TENM4: variants seen among roughly 807,000 people sequenced by gnomAD.
The protein encoded by TENM4 is teneurin-4.
In TENM4, 82 loss-of-function variants were observed where a neutral mutation model predicts 243.3. The ratio of observed to expected loss-of-function variants is 0.34; its 90% CI spans 0.28 to 0.40. The LOEUF (loss-of-function observed/expected upper bound fraction) is 0.40. TENM4 is among the 10% of genes least tolerant of loss of function. The probability of loss-of-function intolerance (pLI) is 1.00; values close to 1 mark genes in which losing one functional copy is unlikely to be tolerated. For missense variants in TENM4, 3,138 were observed against 3,673.3 expected (o/e 0.85, Z 3.77); for synonymous variants, 1,412 against 1,456.3 (o/e 0.97, Z 0.69).
chr11:79,348,405 G>T (rs549639348), intron 1 of TENM4, among the ~76,000 whole-genome samples: 74 of 152,272 alleles, frequency 4.9e-4, no homozygotes, highest in African/African-American at 1.8e-3. Context: ...GATCATACAA[G>T]ATGCCTCAGA....
At position 78,979,534 on chromosome 11, in the gene TENM4, GCATGCACATATGTGTTGTA is replaced by G. The variant is rs951141467; in HGVS notation, c.494-76030_494-76012del. On this transcript the variant is annotated intron_variant, in intron 6 of 33. Transcript: ENST00000278550. ...CATTGTGGGCATGCATGTGTGCTGTGCATGCACATATGTGTTGTACATGCACATATGTGTTGTACATGCA... is the reference window on the plus strand; with the variant it reads ...CATTGTGGGCATGCATGTGTGCTGTGCATGCACATATGTGTTGTACATGCA... Among the ~76,000 whole-genome samples, 92 of 152,320 alleles carry G rather than the reference GCATGCACATATGTGTTGTA, an allele frequency of 6.0e-4. 1 individual carries two copies. The highest frequency in any genetic ancestry group is 2.9e-3 in the South Asian group (14 of 4,830).
intron 6 of TENM4, among the ~76,000 whole-genome samples, chr11:78,915,162 A>G (rs112619672): frequency 1.6e-4 from 25 of 152,290 alleles, no homozygotes; most frequent in Non-Finnish European, 2.5e-4. Flanking sequence ...TGCTTGTCTC[A>G]TGGCCATGGC....
At chr11:79,407,780 C>T (rs1359942006) in intron 1 of TENM4, among the ~76,000 whole-genome samples, 2 of 152,200 alleles carry the variant, frequency 1.3e-5, no homozygotes, top group Non-Finnish European at 2.9e-5. Flanking sequence ...TAGTGTTTCC[C>T]AAACTTTTCT....
rs192564624 is a variant in TENM4 at position 79,256,941 on chromosome 11, G to A, written c.-265+40547C>T. Reference sequence around the variant, plus strand: ...CAAGATGAGCAAGACATAACAGATGGCTCCTCATCTAGTCAGGATCAGTGA... The same window carrying A: ...CAAGATGAGCAAGACATAACAGATGACTCCTCATCTAGTCAGGATCAGTGA... On this transcript the variant is annotated intron_variant, in intron 2 of 33. Coordinates refer to ENST00000278550, the MANE Select transcript of TENM4 (RefSeq NM_001098816.3). Among the ~76,000 whole-genome samples the A allele has an allele frequency of 1.9e-4, 29 of 152,298 alleles. No homozygotes were observed. In the East Asian group the frequency reaches 5.0e-3, roughly 26 times the overall value.
At chr11:79,083,182 G>A (rs2137033514) in intron 4 of TENM4, among the ~76,000 whole-genome samples, 1 of 152,308 alleles carries the variant, frequency 6.6e-6, no homozygotes, top group Middle Eastern at 3.4e-3. Context: ...CTGCTGGGGT[G>A]GAGGTGGGGC....
intron 4 of TENM4, among the ~76,000 whole-genome samples, chr11:79,145,110 C>T (rs1331618929): frequency 6.6e-6 from 1 of 151,974 alleles, no homozygotes; most frequent in Non-Finnish European, 1.5e-5. Flanking sequence ...AAAAGAAATA[C>T]ATTTCATACC....
At chr11:78,884,409 C>G (rs115096833) in intron 9 of TENM4, among the ~76,000 whole-genome samples, 1,753 of 152,230 alleles carry the variant, frequency 0.012, 48 homozygotes, top group African/African-American at 0.04. Context: ...GCAAGTGATA[C>G]AGCCAGGGTC....
intron 6 of TENM4, among the ~76,000 whole-genome samples, chr11:78,923,793 G>A (rs1856496655): frequency 7.2e-6 from 1 of 138,422 alleles, no homozygotes; most frequent in African/African-American, 2.6e-5. Context: ...GCCCACCTCA[G>A]CCTCCGAAAG....
chr11:79,040,066 C>T (rs1036769477), intron 6 of TENM4, among the ~76,000 whole-genome samples: 7 of 151,664 alleles, frequency 4.6e-5, no homozygotes, highest in African/African-American at 1.7e-4. Flanking sequence ...TAAAAAGCCA[C>T]CAGCCAGCTA....
intron 12 of TENM4, among the ~76,000 whole-genome samples, chr11:78,852,382 T>C (rs1858560702): frequency 6.6e-6 from 1 of 152,194 alleles, no homozygotes; most frequent in Admixed American, 6.5e-5. Flanking sequence ...TGACTCCTGT[T>C]GTTTAGAAGT....
intron 3 of TENM4, among the ~76,000 whole-genome samples, chr11:79,167,259 A>G (rs1862935077): frequency 6.6e-6 from 1 of 152,164 alleles, no homozygotes; most frequent in African/African-American, 2.4e-5. Flanking sequence ...AAGAAGGGAG[A>G]AGGATAAAGA....
chr11:79,034,580 T>C (rs1449056213), intron 6 of TENM4, among the ~76,000 whole-genome samples: 2 of 151,852 alleles, frequency 1.3e-5, no homozygotes, highest in Non-Finnish European at 2.9e-5. Context: ...GGAAGTTTAA[T>C]TAAAAAAAAT....
At chr11:79,399,276 A>G (rs1858407939) in intron 1 of TENM4, among the ~76,000 whole-genome samples, 1 of 152,204 alleles carries the variant, frequency 6.6e-6, no homozygotes, top group Non-Finnish European at 1.5e-5. Context: ...TACTGGTTCC[A>G]TATTCTTCTC....
chr11:78,861,743 A>G (rs1858823966), intron 10 of TENM4, among the ~76,000 whole-genome samples: 1 of 152,206 alleles, frequency 6.6e-6, no homozygotes, highest in Admixed American at 6.5e-5. Context: ...AAGGCAAATT[A>G]TTGCAAGGGC....
chr11:79,423,968 G>C (rs1858995212), intron 1 of TENM4, among the ~76,000 whole-genome samples: 1 of 152,092 alleles, frequency 6.6e-6, no homozygotes, highest in Admixed American at 6.5e-5. Flanking sequence ...AGATGTGTCT[G>C]TCTACTTTGT....
intron 2 of TENM4, among the ~76,000 whole-genome samples, chr11:79,261,773 T>G (rs1855802586): frequency 1.3e-5 from 2 of 152,186 alleles, no homozygotes; most frequent in African/African-American, 4.8e-5. Flanking sequence ...ACAAAGCCAG[T>G]GGCTTCTTCC....
chr11:78,782,252 AGTT>A (rs56849347), intron 16 of TENM4, among the ~76,000 whole-genome samples: 124,538 of 151,652 alleles, frequency 0.82, 51,827 homozygotes, highest in African/African-American at 0.89. Context: ...TGAGGTCAGG[AGTT>A]GTTAGAGACC....
At chr11:79,201,901 G>A (rs560411981) in intron 3 of TENM4, among the ~76,000 whole-genome samples, 38 of 152,334 alleles carry the variant, frequency 2.5e-4, no homozygotes, top group African/African-American at 9.1e-4. Flanking sequence ...AGACACTGGG[G>A]AGGCTGCTGC....
intron 6 of TENM4, among the ~76,000 whole-genome samples, chr11:78,966,648 G>A (rs143844527): frequency 7.2e-5 from 11 of 152,290 alleles, no homozygotes; most frequent in Non-Finnish European, 7.4e-5. Context: ...ACTGAGAAAC[G>A]CTTCACTGAG....
Sources: allele counts gnomAD v4.1 joint callset (sites outside exome capture counted in the v4.1 genomes callset), GRCh38; gene constraint gnomAD v4.1.1; transcripts MANE v1.5; gene names NCBI Gene and HGNC (gene_info 2026-07-23, HGNC 2026-07-21).